GARRE1: variants seen among roughly 807,000 people sequenced by gnomAD.
The protein encoded by GARRE1 is granule associated Rac and RHOG effector 1.
A neutral mutation model predicts 103.2 loss-of-function variants in GARRE1; 49 were observed. The observed-to-expected ratio is 0.47, with a 90% CI of 0.38 to 0.60. GARRE1 has a LOEUF of 0.60. Ranked by LOEUF, GARRE1 falls within the 20% of genes least tolerant of loss-of-function variation. The pLI, the probability that GARRE1 is intolerant of heterozygous loss-of-function variation, is 0.00. For missense variants in GARRE1, 1,199 were observed against 1,370.5 expected, an observed-to-expected ratio of 0.87 and a Z score of 1.98; for synonymous variants, 505 against 532.8, an observed-to-expected ratio of 0.95 and a Z score of 0.72.
intron 1 of GARRE1, chr19:34,296,246 T>C: frequency 1.6e-6 from 1 of 636,842 alleles, no homozygotes; most frequent in Non-Finnish European, 2.8e-6. Context: ...GCAGCAGTCC[T>C]TCTGTTCTCA....
chr19:34,299,074 C>T (rs73580723), intron 1 of GARRE1, among the ~76,000 whole-genome samples: 2,724 of 152,300 alleles, frequency 0.018, 92 homozygotes, highest in African/African-American at 0.062. Flanking sequence ...TCTGTTTCTG[C>T]ACCCTGCACT....
intron 12 of GARRE1, among the ~76,000 whole-genome samples, chr19:34,349,578 T>C (rs1188654713): frequency 1.3e-5 from 2 of 152,224 alleles, no homozygotes; most frequent in Non-Finnish European, 2.9e-5. Context: ...GGAAAAGTAG[T>C]AATTAGCTTT....
chr19:34,288,445 C>T (rs1316754735), intron 1 of GARRE1, among the ~76,000 whole-genome samples: 2 of 152,152 alleles, frequency 1.3e-5, no homozygotes, highest in East Asian at 3.9e-4. Context: ...CTCCCCATTA[C>T]AAAACAGCCT....
At chr19:34,279,388 C>G (rs2145220636) in intron 1 of GARRE1, among the ~76,000 whole-genome samples, 1 of 152,166 alleles carries the variant, frequency 6.6e-6, no homozygotes, top group South Asian at 2.1e-4. Flanking sequence ...TCACTGCAAC[C>G]TGTGCTTCCC....
chr19:34,300,551 G>A lies in GARRE1; in HGVS notation c.78G>A (p.Val26=), dbSNP rs915180197. ...TGCTTGGCGGGTCCAAGCAGAAGGT[G>A]CAGCAGCACCAGCAATACCCGATGC... ...RFLLGGSKQK[V]QQHQQYPMPE... The change falls in exon 2 of 14, where the codon GTG becomes GTA. Residue 26 remains valine, a synonymous_variant. Transcript: ENST00000299505. 6.2e-7 allele frequency: 1 copy of A among 1,613,560 alleles called. No individual in the cohort carries two copies. Among genetic ancestry groups the A allele is most frequent in the Non-Finnish European group, 8.5e-7 (1 of 1,180,006 alleles).
intron 11 of GARRE1, 74 bp from the exon 12 acceptor site, chr19:34,348,942 T>A: frequency 1.3e-6 from 2 of 1,565,544 alleles, no homozygotes; most frequent in Non-Finnish European, 1.7e-6. Context: ...GGGTAAGGAC[T>A]GCCCTTTCAG....
At position 34,264,427 on chromosome 19, in the gene GARRE1, C is replaced by A. The variant is rs145695155; in HGVS notation, c.-796+9813C>A. On this transcript the variant is annotated intron_variant, in intron 1 of 13. Transcript: ENST00000299505. ...TTTTTTTTGGAGGGGGGGACGGAGT[C>A]TTGCTCTGTTGCCCAGGCTAGAATG... Among the ~76,000 whole-genome samples, 24 of 151,526 alleles carry A rather than the reference C, an allele frequency of 1.6e-4. No homozygotes were observed. In the East Asian group the frequency reaches 2.9e-3, roughly 18 times the overall value.
intron 1 of GARRE1, among the ~76,000 whole-genome samples, chr19:34,290,419 C>T (rs1046451420): frequency 5.3e-5 from 8 of 152,236 alleles, no homozygotes; most frequent in Middle Eastern, 3.4e-3. Context: ...CATAGCTTAG[C>T]CTTGCCTACC....
rs2073947873 is a variant in GARRE1 at position 34,296,418 on chromosome 19, C to T, written c.-795-3261C>T. On this transcript the variant is annotated intron_variant, in intron 1 of 13. Transcript: ENST00000299505. ...CCTGAGTCCCTTGGCAGTGCGGGCA[C>T]GAGCACACTTCCCAAGCTTGGGGTG... The T allele has an allele frequency of 8.9e-6, 14 of 1,578,378 alleles. No homozygotes were observed. The Admixed American group carries it at 1.3e-4, about 15-fold the overall frequency.
At chr19:34,336,395 T>G (rs1012128791) in intron 8 of GARRE1, among the ~76,000 whole-genome samples, 25 of 152,228 alleles carry the variant, frequency 1.6e-4, no homozygotes, top group Admixed American at 3.3e-4. Flanking sequence ...AGGCTCACTT[T>G]CTGTAAGATT....
chr19:34,257,102 C>T (rs1335007730), intron 1 of GARRE1, among the ~76,000 whole-genome samples: 1 of 151,802 alleles, frequency 6.6e-6, no homozygotes, highest in African/African-American at 2.4e-5. Context: ...CTTGGCAAGC[C>T]TAGATTTTTC....
intron 1 of GARRE1, among the ~76,000 whole-genome samples, chr19:34,265,977 C>G (rs544004744): frequency 6.6e-6 from 1 of 152,212 alleles, no homozygotes; most frequent in African/African-American, 2.4e-5. Context: ...TTTGGAAGTG[C>G]GTCGTTTCCA....
chr19:34,270,083 G>C (rs2073777496), intron 1 of GARRE1, among the ~76,000 whole-genome samples: 1 of 152,198 alleles, frequency 6.6e-6, no homozygotes, highest in Non-Finnish European at 1.5e-5. Flanking sequence ...CAGGAAGCTA[G>C]GCAGTGATTA....
chr19:34,267,400 C>G (rs1293786849), intron 1 of GARRE1, among the ~76,000 whole-genome samples: 1 of 152,076 alleles, frequency 6.6e-6, no homozygotes, highest in Non-Finnish European at 1.5e-5. Context: ...GAGTCGAAGT[C>G]TTGCTATGTT....
At chr19:34,338,801 T>C (rs956046221) in intron 8 of GARRE1, among the ~76,000 whole-genome samples, 3 of 152,064 alleles carry the variant, frequency 2.0e-5, no homozygotes, top group Admixed American at 2.0e-4. Flanking sequence ...CACGATGATA[T>C]CCCATTGAAG....
intron 3 of GARRE1, among the ~76,000 whole-genome samples, chr19:34,322,270 C>G (rs1013447852): frequency 5.9e-5 from 9 of 152,072 alleles, no homozygotes; most frequent in Non-Finnish European, 1.2e-4. Context: ...CTCCCAGATT[C>G]AAGCCATTCT....
chr19:34,292,093 C>A (rs1017587417), intron 1 of GARRE1, among the ~76,000 whole-genome samples: 3 of 152,150 alleles, frequency 2.0e-5, no homozygotes, highest in African/African-American at 7.2e-5. Flanking sequence ...AATGCCTGGC[C>A]TCAAGTGATC....
intron 2 of GARRE1, among the ~76,000 whole-genome samples, chr19:34,313,438 A>T (rs2074045767): frequency 6.6e-6 from 1 of 152,168 alleles, no homozygotes; most frequent in African/African-American, 2.4e-5. Flanking sequence ...CACTTGGAAC[A>T]CTGTGCAGAT....
Position 34,342,009 on chromosome 19 carries a change from C to G in GARRE1, c.2075C>G (p.Pro692Arg). ...QKAGAMQPQQ[P>R]SLPVPPPPRA... ...GCAGGAGCCATGCAACCACAGCAGCCGTCACTGCCTGTGCCCCCTCCACCA... is the reference window on the plus strand; with the variant it reads ...GCAGGAGCCATGCAACCACAGCAGCGGTCACTGCCTGTGCCCCCTCCACCA... The change falls in exon 10 of 14, where the codon CCG becomes CGG. Residue 692 changes from proline to arginine, a missense_variant. Physicochemically the swap from Pro to Arg is moderately radical, Grantham distance 103. Coordinates refer to ENST00000299505, the MANE Select transcript of GARRE1 (RefSeq NM_014686.5). 6.2e-7 allele frequency: 1 copy of G among 1,614,130 alleles called. No individual in the cohort carries two copies. Among genetic ancestry groups the G allele is most frequent in the Non-Finnish European group, 8.5e-7 (1 of 1,180,014 alleles).
Sources: allele counts gnomAD v4.1 joint callset (sites outside exome capture counted in the v4.1 genomes callset), GRCh38; gene constraint gnomAD v4.1.1; transcripts MANE v1.5; gene names NCBI Gene and HGNC (gene_info 2026-07-23, HGNC 2026-07-21).